COL6A6: variants seen among roughly 807,000 people sequenced by gnomAD.
The protein encoded by COL6A6 is collagen type VI alpha 6 chain.
Under a neutral mutation model 208.6 loss-of-function variants are expected in COL6A6, and 183 were observed. That is an observed-to-expected ratio of 0.88 (90% CI 0.78 to 0.99). The LOEUF (loss-of-function observed/expected upper bound fraction) is 0.99. Among genes scored for constraint, COL6A6 ranks in the 50% least tolerant of loss-of-function variants. COL6A6 has a pLI of 0.00. For synonymous variants in COL6A6, 973 were observed against 1,011.8 expected (o/e 0.96, Z 0.73); for missense variants, 2,816 against 2,815.2 (o/e 1.00, Z -0.01).
chr3:130,591,482 C>T (rs2063715101), intron 13 of COL6A6, among the ~76,000 whole-genome samples: 4 of 152,174 alleles, frequency 2.6e-5, no homozygotes, highest in Admixed American at 2.6e-4. Flanking sequence ...TCCATCCAAA[C>T]ATTTGTTTAC....
At chr3:130,524,209 C>A (rs2063217) in intron 1 of COL6A6, among the ~76,000 whole-genome samples, 1 of 152,210 alleles carries the variant, frequency 6.6e-6, no homozygotes. Context: ...TTAGCTTTTA[C>A]TAGAGAGGTG....
chr3:130,639,144 C>G (rs1004091590), intron 28 of COL6A6, among the ~76,000 whole-genome samples: 1 of 152,024 alleles, frequency 6.6e-6, no homozygotes, highest in Non-Finnish European at 1.5e-5. Flanking sequence ...TGGGAGAGTT[C>G]GTTGAGTTTA....
chr3:130,616,438 A>G (rs758189321), intron 23 of COL6A6, among the ~76,000 whole-genome samples: 1 of 152,030 alleles, frequency 6.6e-6, no homozygotes, highest in Non-Finnish European at 1.5e-5. Flanking sequence ...AATACAGTCC[A>G]TGGCACAATG....
At chr3:130,557,129 C>G (rs2107831141) in intron 1 of COL6A6, among the ~76,000 whole-genome samples, 1 of 152,226 alleles carries the variant, frequency 6.6e-6, no homozygotes, top group African/African-American at 2.4e-5. Context: ...TGGACCCAGG[C>G]CATGACACCT....
intron 6 of COL6A6, among the ~76,000 whole-genome samples, chr3:130,569,109 T>C (rs1489068006): frequency 2.0e-5 from 3 of 152,162 alleles, no homozygotes; most frequent in Non-Finnish European, 2.9e-5. Context: ...GTGGGCTACA[T>C]GTGGGTTGCT....
At chr3:130,598,552 A>G in intron 19 of COL6A6, 122 bp downstream of exon 19, 1 of 685,038 alleles carries the variant, frequency 1.5e-6, no homozygotes, top group Non-Finnish European at 2.5e-6. Context: ...GTACAGAAAA[A>G]CCATTATTAG....
Position 130,642,829 on chromosome 3 carries a change from T to C in COL6A6, c.5155-3T>C. ...TAAAACAATGTTTTGTTTGTTTTCC[T>C]AGGGTGTGAAAGGAGCCAAAGGCTT... is the stretch of plus-strand genomic sequence containing the variant. On this transcript the variant is annotated splice_region_variant and splice_polypyrimidine_tract_variant and intron_variant, in intron 29 of 36. Transcript: ENST00000358511. The C allele has an allele frequency of 6.2e-7, 1 of 1,613,664 alleles. No homozygotes were observed. The highest frequency in any genetic ancestry group is 8.5e-7 in the Non-Finnish European group (1 of 1,179,694).
chr3:130,600,694 ACAC>A (rs1225744002), intron 20 of COL6A6, among the ~76,000 whole-genome samples: 1 of 152,100 alleles, frequency 6.6e-6, no homozygotes, highest in Non-Finnish European at 1.5e-5. Flanking sequence ...GGAACAACAC[ACAC>A]CAGGGCCAGT....
chr3:130,644,433 G>A (rs1313817234), intron 31 of COL6A6, among the ~76,000 whole-genome samples: 1 of 152,228 alleles, frequency 6.6e-6, no homozygotes, highest in Admixed American at 6.5e-5. Context: ...ATAGCTGCAT[G>A]TGGCTTGTGG....
At position 130,661,783 on chromosome 3, in the gene COL6A6, G is replaced by C; in HGVS notation, c.5977G>C (p.Asp1993His). The C allele has an allele frequency of 8.1e-6, 13 of 1,613,898 alleles. No individual in the cohort carries two copies. The highest frequency in any genetic ancestry group is 1.1e-5 in the Non-Finnish European group (13 of 1,179,874). ...AAGAGCCTTCCTTGGAGCACTATTA[G>C]ATCACTTTGAAATCACCCCAGAGCC... ...DIRAFLGALL[D>H]HFEITPEPET... is the part of the protein sequence containing the mutation. Residue 1993 changes from aspartate (D) to histidine (H), a missense_variant, in exon 35 of 37, where the codon GAT becomes CAT. Physicochemically the swap from Asp to His is moderately conservative, Grantham distance 81. Coordinates refer to ENST00000358511, the MANE Select transcript of COL6A6 (RefSeq NM_001102608.3).
intron 36 of COL6A6, among the ~76,000 whole-genome samples, chr3:130,670,209 T>C (rs1391125185): frequency 6.6e-6 from 1 of 152,222 alleles, no homozygotes; most frequent in Non-Finnish European, 1.5e-5. Flanking sequence ...TGCAGGTGTC[T>C]GGCAGCTTGG....
chr3:130,675,532 TAAGA>T lies in COL6A6; in HGVS notation c.*136_*139del. The stretch of plus-strand genomic sequence containing the variant: ...CTTGACCCCCTGCATTCATTGGTAT[TAAGA>T]TATATCTTGTTCATTTATTTGACCA... On this transcript the variant is annotated 3_prime_UTR_variant, in exon 37 of 37. Coordinates refer to ENST00000358511, the MANE Select transcript of COL6A6 (RefSeq NM_001102608.3). The T allele has an allele frequency of 1.7e-6, 1 of 598,012 alleles. No individual in the cohort carries two copies. Among genetic ancestry groups the T allele is most frequent in the Non-Finnish European group, 2.9e-6 (1 of 345,250 alleles). 37.0% of individuals were successfully genotyped at this position (598,012 alleles called of 1,614,324 possible). A position where few individuals can be genotyped will look rare whatever the true frequency, so the allele number is the denominator to read the frequency against.
chr3:130,579,220 G>A (rs1577769151), intron 8 of COL6A6, among the ~76,000 whole-genome samples: 2 of 152,104 alleles, frequency 1.3e-5, no homozygotes, highest in African/African-American at 4.8e-5. Flanking sequence ...CTCCAATTAA[G>A]TACTGTCTTT....
chr3:130,534,341 G>T (rs76838413), intron 1 of COL6A6, among the ~76,000 whole-genome samples: 2,339 of 152,162 alleles, frequency 0.015, 81 homozygotes, highest in African/African-American at 0.053. Context: ...CATATTCATT[G>T]TTCATCTTTC....
chr3:130,534,798 C>T (rs1017517571), intron 1 of COL6A6, among the ~76,000 whole-genome samples: 2 of 152,042 alleles, frequency 1.3e-5, no homozygotes, highest in South Asian at 2.1e-4. Flanking sequence ...TTGCTTCCTT[C>T]GTTTTCTTTT....
chr3:130,607,503 C>T (rs961704573), intron 21 of COL6A6, among the ~76,000 whole-genome samples: 1 of 151,998 alleles, frequency 6.6e-6, no homozygotes, highest in African/African-American at 2.4e-5. Context: ...AAACACACAT[C>T]CTCAGATTAA....
chr3:130,616,215 G>A (rs2064516172), intron 23 of COL6A6, among the ~76,000 whole-genome samples: 1 of 151,354 alleles, frequency 6.6e-6, no homozygotes, highest in Non-Finnish European at 1.5e-5. Flanking sequence ...CCCTGCCATA[G>A]GTTTCATATT....
intron 10 of COL6A6, 57 bp downstream of exon 10, chr3:130,582,125 T>A: frequency 9.1e-7 from 1 of 1,093,168 alleles, no homozygotes; most frequent in Non-Finnish European, 1.3e-6. Context: ...ATCTCAGAAC[T>A]AAATTCTGGC....
intron 20 of COL6A6, among the ~76,000 whole-genome samples, chr3:130,602,097 C>T (rs926488676): frequency 6.6e-6 from 1 of 152,144 alleles, no homozygotes; most frequent in Non-Finnish European, 1.5e-5. Context: ...CAACTAGCAA[C>T]CAAGGCCATG....
Sources: allele counts gnomAD v4.1 joint callset (sites outside exome capture counted in the v4.1 genomes callset), GRCh38; gene constraint gnomAD v4.1.1; transcripts MANE v1.5; gene names NCBI Gene and HGNC (gene_info 2026-07-23, HGNC 2026-07-21).